PCLO: variants seen among roughly 807,000 people sequenced by gnomAD.
PCLO encodes piccolo presynaptic cytomatrix protein, also known as protein piccolo.
PCLO carries 82 observed loss-of-function variants against 427.5 expected under a neutral mutation model. The observed-to-expected ratio is 0.19, with a 90% CI of 0.16 to 0.23. PCLO has a LOEUF of 0.23. Ranked by LOEUF, PCLO falls within the 10% of genes least tolerant of loss-of-function variation. The probability of loss-of-function intolerance (pLI) is 1.00; values close to 1 mark genes in which losing one functional copy is unlikely to be tolerated. For synonymous variants in PCLO, 2,357 were observed against 2,155.4 expected, an observed-to-expected ratio of 1.09 and a Z score of -2.59; for missense variants, 6,239 against 6,115.9, an observed-to-expected ratio of 1.02 and a Z score of -0.67.
chr7:83,080,009 A>G (rs1483381142), intron 3 of PCLO, among the ~76,000 whole-genome samples: 1 of 152,024 alleles, frequency 6.6e-6, no homozygotes, highest in East Asian at 1.9e-4. Context: ...TGCTAAGGAT[A>G]ATGGTTTCCA....
chr7:82,914,949 T>A lies in PCLO; in HGVS notation c.13037A>T (p.Gln4346Leu). ...CACAATTGGTATTCTTCCTCTACTT[T>A]GACTAATTGGCAAACTGGTCGGCTT... ...RTKPTSLPIS[Q>L]SRGRIPIVAQ... Residue 4346 changes from glutamine to leucine, a missense_variant, in exon 7 of 25, where the codon CAA (glutamine) becomes CTA (leucine). Gln to Leu is a moderately radical substitution (Grantham distance 113). Around this residue, in one of 5 missense-constraint regions of PCLO, gnomAD observed 680 missense variants for 677.3 expected, o/e 1.00. Transcript: ENST00000333891. The A allele has an allele frequency of 6.2e-7, 1 of 1,613,714 alleles. No homozygotes were observed. Among genetic ancestry groups the A allele is most frequent in the Non-Finnish European group, 8.5e-7 (1 of 1,179,722 alleles).
intron 3 of PCLO, chr7:83,017,751 T>A (rs1020732603): frequency 3.0e-4 from 46 of 152,074 alleles, no homozygotes; most frequent in African/African-American, 1.0e-3. Flanking sequence ...ACCACCCATT[T>A]GAAGTTCCTG....
chr7:82,856,715 G>C (rs1792816270), intron 10 of PCLO, among the ~76,000 whole-genome samples: 1 of 152,098 alleles, frequency 6.6e-6, no homozygotes, highest in Non-Finnish European at 1.5e-5. Flanking sequence ...TTATTTGTTA[G>C]AATGCTCAGA....
chr7:83,077,923 C>A (rs1433360037), intron 3 of PCLO, among the ~76,000 whole-genome samples: 1 of 151,946 alleles, frequency 6.6e-6, no homozygotes, highest in Non-Finnish European at 1.5e-5. Flanking sequence ...GGGAAATACC[C>A]AAATCCTCTC....
chr7:83,059,357 A>AAAATATATAT (rs1332566491), intron 3 of PCLO, among the ~76,000 whole-genome samples: 1,259 of 111,688 alleles, frequency 0.011, 18 homozygotes, highest in South Asian at 0.019. Flanking sequence ...ACACCTTTAA[A>AAAATATATAT]ATATATATAT....
chr7:83,078,206 T>C (rs914784987), intron 3 of PCLO, among the ~76,000 whole-genome samples: 2 of 152,100 alleles, frequency 1.3e-5, no homozygotes, highest in African/African-American at 2.4e-5. Context: ...ACATATATTA[T>C]TAAAACATCA....
intron 3 of PCLO, among the ~76,000 whole-genome samples, chr7:83,113,800 A>C (rs2116533679): frequency 6.6e-6 from 1 of 152,298 alleles, no homozygotes; most frequent in African/African-American, 2.4e-5. Context: ...CAAAAGAAAA[A>C]AGGAGCAGGG....
At chr7:83,095,329 G>C (rs548942871) in intron 3 of PCLO, among the ~76,000 whole-genome samples, 3 of 151,606 alleles carry the variant, frequency 2.0e-5, no homozygotes, top group African/African-American at 7.3e-5. Flanking sequence ...GTGGTAATTT[G>C]TATCTTTTCT....
Position 82,956,027 on chromosome 7 carries a change from T to G in PCLO, c.4926A>C (p.Glu1642Asp), listed in dbSNP as rs1252419293. The change falls in exon 5 of 25, where the codon GAA (glutamate) becomes GAC (aspartate). Residue 1642 changes from glutamate (E) to aspartate (D), a missense_variant. This residue lies in a region of PCLO where 4,677 missense variants were observed against 4,468.4 expected (regional missense o/e 1.05). Transcript: ENST00000333891. ...EDDEAFDESP[E>D]LKYRETKSQE... ...GACTTTTAGTTTCTCTGTATTTAAG[T>G]TCAGGACTTTCATCAAATGCTTCAT... is the stretch of plus-strand genomic sequence containing the variant. 2 of 1,613,218 alleles carry G rather than the reference T, an allele frequency of 1.2e-6. No homozygotes were observed. Among genetic ancestry groups the G allele is most frequent in the Non-Finnish European group, 1.7e-6 (2 of 1,179,876 alleles).
At chr7:82,851,603 C>T (rs555092567) in intron 10 of PCLO, among the ~76,000 whole-genome samples, 1 of 151,450 alleles carries the variant, frequency 6.6e-6, no homozygotes, top group South Asian at 2.1e-4. Flanking sequence ...CAGGAGCAGA[C>T]CTTGAAAAAA....
intron 8 of PCLO, among the ~76,000 whole-genome samples, chr7:82,905,794 A>C (rs1794175275): frequency 6.6e-6 from 1 of 152,070 alleles, no homozygotes; most frequent in African/African-American, 2.4e-5. Context: ...GCAGTTGGGT[A>C]GGAATTGCAG....
Position 82,838,343 on chromosome 7 carries a change from C to A in PCLO, c.14098-1G>T. The A allele has an allele frequency of 6.9e-7, 1 of 1,452,846 alleles. No individual in the cohort carries two copies. The highest frequency in any genetic ancestry group is 9.4e-7 in the Non-Finnish European group (1 of 1,061,796). The allele number at this position is 1,452,846 out of a possible 1,614,324, so 90.0% of individuals were successfully genotyped here. On this transcript the variant is annotated splice_acceptor_variant, in intron 14 of 24. Transcript: ENST00000333891. LOFTEE classifies it high-confidence loss of function. ...TTCCAAGATCATAGTTAATTTGAAG[C>A]TTTAGGAGAGAGAAAAATATTCCAT...
intron 3 of PCLO, among the ~76,000 whole-genome samples, chr7:83,069,769 T>G (rs1384307150): frequency 7.9e-6 from 1 of 126,986 alleles, no homozygotes; most frequent in African/African-American, 3.2e-5. Flanking sequence ...ACTCTAAAGA[T>G]TCTCCACCTC....
At chr7:82,961,849 C>T (rs1369001477) in intron 4 of PCLO, among the ~76,000 whole-genome samples, 3 of 152,094 alleles carry the variant, frequency 2.0e-5, no homozygotes, top group Non-Finnish European at 2.9e-5. Context: ...TACAATAGAT[C>T]ACCTAGTTTT....
intron 3 of PCLO, among the ~76,000 whole-genome samples, chr7:83,097,074 TATAA>T (rs1183868985): frequency 1.5e-5 from 1 of 64,768 alleles, no homozygotes; most frequent in Non-Finnish European, 2.6e-5. Flanking sequence ...TTATACATTA[TATAA>T]ATATATTATA....
chr7:82,777,910 T>C (rs1414929208), intron 22 of PCLO, among the ~76,000 whole-genome samples: 2 of 151,812 alleles, frequency 1.3e-5, no homozygotes, highest in African/African-American at 4.8e-5. Flanking sequence ...AAAGCAAAAA[T>C]TGACAAATGG....
chr7:83,020,182 C>T (rs1216318164), intron 3 of PCLO, among the ~76,000 whole-genome samples: 1 of 151,908 alleles, frequency 6.6e-6, no homozygotes, highest in Non-Finnish European at 1.5e-5. Flanking sequence ...TCTAGTTTGA[C>T]CCCTAAGTGT....
intron 3 of PCLO, among the ~76,000 whole-genome samples, chr7:83,075,204 A>G (rs11976132): frequency 0.054 from 8,227 of 152,216 alleles, 792 homozygotes; most frequent in African/African-American, 0.19. Context: ...ATCACCAAGT[A>G]TAAGTGCTAA....
chr7:82,976,333 A>G (rs1388269286), intron 3 of PCLO, among the ~76,000 whole-genome samples: 1 of 152,112 alleles, frequency 6.6e-6, no homozygotes, highest in Non-Finnish European at 1.5e-5. Context: ...CCCCTACTTT[A>G]AATTCTTTCC....
Sources: allele counts gnomAD v4.1 joint callset (sites outside exome capture counted in the v4.1 genomes callset), GRCh38; gene constraint gnomAD v4.1.1; regional missense constraint gnomAD v4.1.1; transcripts MANE v1.5; gene names NCBI Gene and HGNC (gene_info 2026-07-23, HGNC 2026-07-21).